The following RC3H1 variants were observed in gnomAD, a reference collection of about 807,000 sequenced individuals.
RC3H1 encodes the protein ring finger and CCCH-type domains 1, also known as roquin-1.
Under a neutral mutation model 138.2 loss-of-function variants are expected in RC3H1, and 50 were observed. The observed-to-expected ratio is 0.36, with a 90% CI of 0.29 to 0.46. RC3H1 has a LOEUF of 0.46. Ranked by LOEUF, RC3H1 falls within the 20% of genes least tolerant of loss-of-function variation. RC3H1 has a pLI of 1.00. For missense variants in RC3H1, 1,031 were observed against 1,388.1 expected (o/e 0.74, Z 4.09); for synonymous variants, 462 against 489.1 (o/e 0.94, Z 0.73).
chr1:173,993,277 G>C (rs1270786184), intron 1 of RC3H1, 142 bp from the exon 2 acceptor site: 1 of 358,712 alleles, frequency 2.8e-6, no homozygotes, highest in Non-Finnish European at 5.2e-6. Context: ...CACTTTTACA[G>C]AATTAGAGCC....
chr1:173,984,683 T>G, intron 2 of RC3H1, 64 bp from the exon 3 acceptor site: 1 of 1,515,136 alleles, frequency 6.6e-7, no homozygotes, highest in Non-Finnish European at 8.9e-7. Flanking sequence ...TTTAGTATAG[T>G]TTATGCACTC....
chr1:173,954,461 T>C (rs1659550703), intron 13 of RC3H1, among the ~76,000 whole-genome samples: 1 of 152,136 alleles, frequency 6.6e-6, no homozygotes, highest in African/African-American at 2.4e-5. Flanking sequence ...GGTTAACAGA[T>C]ACAAAATTAT....
intron 2 of RC3H1, among the ~76,000 whole-genome samples, chr1:173,992,535 C>T (rs1010404254): frequency 6.6e-6 from 1 of 152,136 alleles, no homozygotes; most frequent in African/African-American, 2.4e-5. Flanking sequence ...CTAAAAAGCA[C>T]TGGACTACCA....
chr1:173,956,407 A>G (rs779533634), intron 13 of RC3H1, among the ~76,000 whole-genome samples: 19 of 152,056 alleles, frequency 1.2e-4, no homozygotes, highest in Non-Finnish European at 2.4e-4. Flanking sequence ...TATGTATTGA[A>G]ATATCACTTT....
intron 1 of RC3H1, among the ~76,000 whole-genome samples, chr1:174,001,562 G>C (rs1188197856): frequency 6.6e-6 from 1 of 152,094 alleles, no homozygotes; most frequent in Non-Finnish European, 1.5e-5. Flanking sequence ...TTCTCATGCA[G>C]AGTAGCTGGG....
intron 1 of RC3H1, among the ~76,000 whole-genome samples, chr1:174,013,236 T>C (rs888419033): frequency 6.6e-6 from 1 of 151,684 alleles, no homozygotes; most frequent in African/African-American, 2.4e-5. Flanking sequence ...GAGGAAAAAC[T>C]GAGATCATAT....
chr1:173,994,058 A>G lies in RC3H1; in HGVS notation c.-150-923T>C, dbSNP rs1000637249. ...AAAAAAAAAAAAGCTTTGTTGGGGA[A>G]GGGGGTAGAGGGAGGGAAGAATTAC... is the stretch of plus-strand genomic sequence containing the variant. On this transcript the variant is annotated intron_variant, in intron 1 of 19. Coordinates refer to ENST00000367696, the MANE Select transcript of RC3H1 (RefSeq NM_172071.4). Among the ~76,000 whole-genome samples the G allele has an allele frequency of 5.0e-3, 724 of 144,230 alleles. 15 individuals are homozygous for G. The highest frequency in any genetic ancestry group is 0.018 in the African/African-American group (694 of 37,820). 94.6% of individuals were successfully genotyped at this position (144,230 alleles called of 152,430 possible).
chr1:173,973,270 G>A (rs1044157063), intron 7 of RC3H1, among the ~76,000 whole-genome samples: 13 of 152,290 alleles, frequency 8.5e-5, no homozygotes, highest in African/African-American at 3.1e-4. Context: ...GGGCACAGTG[G>A]CTCAGGCCTG....
intron 14 of RC3H1, among the ~76,000 whole-genome samples, 184 bp from the exon 15 acceptor site, chr1:173,947,766 A>G (rs1659198255): frequency 6.6e-6 from 1 of 152,114 alleles, no homozygotes; most frequent in South Asian, 2.1e-4. Context: ...GAGGGGCGAC[A>G]GGGTCTCACA....
intron 2 of RC3H1, 107 bp from the exon 3 acceptor site, chr1:173,984,726 A>C: frequency 1.9e-6 from 2 of 1,053,534 alleles, no homozygotes; most frequent in Non-Finnish European, 2.7e-6. Context: ...CAAAACGCCC[A>C]CTAAATTTAC....
chr1:173,963,355 C>G (rs1659960343), intron 11 of RC3H1, among the ~76,000 whole-genome samples: 1 of 152,102 alleles, frequency 6.6e-6, no homozygotes. Context: ...TCAATGATCT[C>G]CCTTGAGTCT....
chr1:173,941,727 T>A (rs1199139853), intron 18 of RC3H1, among the ~76,000 whole-genome samples: 1 of 152,118 alleles, frequency 6.6e-6, no homozygotes, highest in Non-Finnish European at 1.5e-5. Flanking sequence ...CTGAGGTCAG[T>A]TTGAGACCAG....
chr1:174,015,432 A>G (rs1375186451), intron 1 of RC3H1, among the ~76,000 whole-genome samples: 2 of 151,014 alleles, frequency 1.3e-5, no homozygotes, highest in Non-Finnish European at 2.9e-5. Flanking sequence ...GCATGATTTC[A>G]GCTCACTGCA....
chr1:174,009,710 C>T (rs1050802350), intron 1 of RC3H1, among the ~76,000 whole-genome samples: 2 of 152,052 alleles, frequency 1.3e-5, no homozygotes, highest in South Asian at 4.1e-4. Flanking sequence ...TGGTGGCACG[C>T]GTCTGTAGTC....
chr1:173,943,826 T>A (rs960753101), intron 17 of RC3H1, among the ~76,000 whole-genome samples: 1 of 152,146 alleles, frequency 6.6e-6, no homozygotes, highest in Non-Finnish European at 1.5e-5. Context: ...AACAGTAATT[T>A]CATCTTATGT....
chr1:173,955,291 ACAT>A (rs374290143), intron 13 of RC3H1, among the ~76,000 whole-genome samples: 1 of 139,082 alleles, frequency 7.2e-6, no homozygotes, highest in East Asian at 2.1e-4. Flanking sequence ...AACAACAACA[ACAT>A]CACGTTTGCA....
rs1660806754 is a variant in RC3H1, at chr1:173,981,279, T to C, written c.769-270A>G. On this transcript the variant is annotated intron_variant, in intron 5 of 19. Coordinates refer to ENST00000367696, the MANE Select transcript of RC3H1 (RefSeq NM_172071.4). ...CTGAGAATCTCTTACCCAAAATGCTTGGGCCAGAAGTGTTATCAGATTTCA... is the reference window on the plus strand; with the variant it reads ...CTGAGAATCTCTTACCCAAAATGCTCGGGCCAGAAGTGTTATCAGATTTCA... Among the ~76,000 whole-genome samples the C allele has an allele frequency of 5.9e-5, 9 of 152,182 alleles. No individual in the cohort carries two copies. The South Asian group carries it at 1.9e-3, about 32-fold the overall frequency.
At chr1:173,952,590 A>T (rs1276349000) in intron 13 of RC3H1, among the ~76,000 whole-genome samples, 1 of 152,068 alleles carries the variant, frequency 6.6e-6, no homozygotes, top group African/African-American at 2.4e-5. Flanking sequence ...AACATTAAAA[A>T]TTTTGATTTT....
intron 17 of RC3H1, among the ~76,000 whole-genome samples, chr1:173,945,293 T>A (rs1659085360): frequency 6.6e-6 from 1 of 152,072 alleles, no homozygotes; most frequent in Non-Finnish European, 1.5e-5. Flanking sequence ...GCCTGGCCAA[T>A]TTTTGCACTT....
Sources: gnomAD v4.1 joint callset for allele counts (sites outside exome capture counted in the v4.1 genomes callset) on GRCh38, gnomAD v4.1.1 for gene constraint, MANE v1.5 for transcripts, NCBI Gene and HGNC (gene_info 2026-07-23, HGNC 2026-07-21) for gene names.